The following NOVA2 variants were observed in gnomAD, a reference collection of about 807,000 sequenced individuals.
NOVA2 encodes NOVA alternative splicing regulator 2.
Under a neutral mutation model 22.5 loss-of-function variants are expected in NOVA2, and 9 were observed. The observed-to-expected ratio is 0.40, with a 90% CI of 0.24 to 0.70. The LOEUF is 0.70. NOVA2 is among the 30% of genes least tolerant of loss of function. The pLI is 0.38. For missense variants in NOVA2, 383 were observed against 682.8 expected, an observed-to-expected ratio of 0.56 and a Z score of 4.89; for synonymous variants, 318 against 335.2, an observed-to-expected ratio of 0.95 and a Z score of 0.56.
At chr19:45,959,093 G>T (rs1479152270) in intron 2 of NOVA2, among the ~76,000 whole-genome samples, 1 of 152,254 alleles carries the variant, frequency 6.6e-6, no homozygotes, top group African/African-American at 2.4e-5. Context: ...TAGAGGAAGT[G>T]CTCAGAGAAT....
intron 3 of NOVA2, among the ~76,000 whole-genome samples, chr19:45,949,235 G>T (rs1967886650): frequency 6.8e-6 from 1 of 146,224 alleles, no homozygotes; most frequent in African/African-American, 2.6e-5. Flanking sequence ...ACGACTCTGT[G>T]AACATACAAC....
rs1169616174 is a variant in NOVA2, at chr19:45,961,051, C to G, written c.188G>C (p.Gly63Ala). 6 of 1,577,994 alleles carry G rather than the reference C, an allele frequency of 3.8e-6. No homozygotes were observed. Among genetic ancestry groups the G allele is most frequent in the Non-Finnish European group, 4.3e-6 (5 of 1,161,550 alleles). ...GGACTTGGAGAGCTTGATGGTGGCT[C>G]CGGTCTCCTTCTGCAGCTGCACGAT... ...QTIVQLQKETGATIKLSKSKD... is the reference protein window; with the variant it reads ...QTIVQLQKETAATIKLSKSKD... Residue 63 changes from glycine (G) to alanine (A), a missense_variant, in exon 2 of 4, where the codon GGA becomes GCA. Transcript: ENST00000263257.
intron 1 of NOVA2, chr19:45,967,282 G>C (rs1052572287): frequency 2.0e-5 from 3 of 152,110 alleles, no homozygotes; most frequent in Non-Finnish European, 2.9e-5. Context: ...AAAGAAACCA[G>C]GTCTCTATTG....
intron 1 of NOVA2, among the ~76,000 whole-genome samples, chr19:45,968,168 A>C (rs910885062): frequency 5.9e-5 from 9 of 152,044 alleles, no homozygotes; most frequent in South Asian, 4.1e-4. Flanking sequence ...TCCAGATGCA[A>C]CATCAATGTT....
At chr19:45,960,927 T>TC in intron 2 of NOVA2, 83 bp downstream of exon 2, 2 of 1,392,392 alleles carry the variant, frequency 1.4e-6, no homozygotes, top group Non-Finnish European at 2.0e-6. Flanking sequence ...GGGCAGACCT[T>TC]CCCCCTCATC....
At chr19:45,958,476 G>A (rs1315617092) in intron 2 of NOVA2, among the ~76,000 whole-genome samples, 1 of 151,190 alleles carries the variant, frequency 6.6e-6, no homozygotes, top group African/African-American at 2.4e-5. Flanking sequence ...GTGTGTGAGT[G>A]GGATGTGTGT....
At chr19:45,958,407 G>T (rs569294829) in intron 2 of NOVA2, among the ~76,000 whole-genome samples, 1 of 151,774 alleles carries the variant, frequency 6.6e-6, no homozygotes, top group East Asian at 1.9e-4. Flanking sequence ...GTGTGTGAGT[G>T]GGGTGTGTGT....
chr19:45,945,692 A>G (rs940551917), intron 3 of NOVA2, among the ~76,000 whole-genome samples: 2 of 151,704 alleles, frequency 1.3e-5, no homozygotes, highest in African/African-American at 4.8e-5. Context: ...AGATATGTCT[A>G]TATGTGTATA....
rs1967662177 is a variant in NOVA2, at chr19:45,936,912, G to T, written c.*2951C>A. 6.6e-6 allele frequency: 1 copy of T among 152,086 alleles called. No individual in the cohort carries two copies. The highest frequency in any genetic ancestry group is 2.1e-4 in the South Asian group (1 of 4,828). The allele number at this position is 152,086 out of a possible 1,614,324, so 9.4% of individuals were successfully genotyped here. On this transcript the variant is annotated 3_prime_UTR_variant, in exon 4 of 4. Transcript: ENST00000263257. The stretch of plus-strand genomic sequence containing the variant: ...ACGGGGAAAAAAAAAGAGATGATGG[G>T]TTTTTCAATAATCCTCATCCCTGAC...
chr19:45,971,293 G>T (rs1401993793), intron 1 of NOVA2, among the ~76,000 whole-genome samples: 1 of 152,116 alleles, frequency 6.6e-6, no homozygotes, highest in Non-Finnish European at 1.5e-5. Flanking sequence ...AGAAAGGTGG[G>T]AACCCCCTAC....
chr19:45,957,834 CG>C (rs1219665279), intron 2 of NOVA2, among the ~76,000 whole-genome samples: 1 of 151,952 alleles, frequency 6.6e-6, no homozygotes, highest in Non-Finnish European at 1.5e-5. Context: ...TGGCCGGTCG[CG>C]GTGGCTCAAG....
intron 3 of NOVA2, among the ~76,000 whole-genome samples, chr19:45,942,140 G>T (rs929775654): frequency 6.6e-6 from 1 of 152,186 alleles, no homozygotes; most frequent in African/African-American, 2.4e-5. Context: ...TCTTCTCGTT[G>T]AACTCTCTGT....
chr19:45,973,177 C>G (rs1968256414), intron 1 of NOVA2, 90 bp downstream of exon 1: 1 of 587,146 alleles, frequency 1.7e-6, no homozygotes, highest in African/African-American at 2.0e-5. Context: ...TCCCCAGAGC[C>G]CTTGCACCTG....
intron 2 of NOVA2, among the ~76,000 whole-genome samples, chr19:45,956,745 C>T (rs976600661): frequency 3.3e-5 from 5 of 152,222 alleles, no homozygotes; most frequent in African/African-American, 7.2e-5. Context: ...TGTGAGCCAT[C>T]GCACCTGACC....
chr19:45,965,877 G>A (rs1210026551), intron 1 of NOVA2, among the ~76,000 whole-genome samples: 1 of 152,206 alleles, frequency 6.6e-6, no homozygotes, highest in Non-Finnish European at 1.5e-5. Context: ...AATGAAATGA[G>A]GAAATGTAAG....
chr19:45,954,431 C>T (rs999033347), intron 2 of NOVA2, among the ~76,000 whole-genome samples: 17 of 152,158 alleles, frequency 1.1e-4, no homozygotes, highest in Non-Finnish European at 2.1e-4. Flanking sequence ...GGACGAGGGA[C>T]GAGGCCCTGT....
chr19:45,959,121 G>GTGAA (rs1968057335), intron 2 of NOVA2, among the ~76,000 whole-genome samples: 1 of 152,248 alleles, frequency 6.6e-6, no homozygotes, highest in Non-Finnish European at 1.5e-5. Flanking sequence ...GAATGAATGA[G>GTGAA]TGAATGAATG....
Position 45,937,953 on chromosome 19 carries a change from A to G in NOVA2, c.*1910T>C, listed in dbSNP as rs1244804736. 1.3e-5 allele frequency: 2 copies of G among 151,992 alleles called. No homozygotes were observed. 9.4% of individuals were successfully genotyped at this position (151,992 alleles called of 1,614,324 possible). ...CTCCTTTTTTAGGAGAGAGACAAGG[A>G]GGCTGGATTTCCCCCAAAGTCATAG... is the stretch of plus-strand genomic sequence containing the variant. On this transcript the variant is annotated 3_prime_UTR_variant, in exon 4 of 4. Coordinates refer to ENST00000263257, the MANE Select transcript of NOVA2 (RefSeq NM_002516.4).
intron 2 of NOVA2, among the ~76,000 whole-genome samples, chr19:45,957,378 A>G (rs976185845): frequency 3.3e-5 from 5 of 152,200 alleles, no homozygotes; most frequent in Non-Finnish European, 7.4e-5. Flanking sequence ...TCTCTACTGA[A>G]AATACAAAAA....
Sources: allele counts gnomAD v4.1 joint callset (sites outside exome capture counted in the v4.1 genomes callset), GRCh38; gene constraint gnomAD v4.1.1; transcripts MANE v1.5; gene names NCBI Gene and HGNC (gene_info 2026-07-23, HGNC 2026-07-21).